The following CCDC141 variants were observed in gnomAD, a reference collection of about 807,000 sequenced individuals.
CCDC141 encodes coiled-coil domain-containing protein 141.
A neutral mutation model predicts 181.0 loss-of-function variants in CCDC141; 168 were observed. The ratio of observed to expected loss-of-function variants is 0.93; its 90% CI spans 0.82 to 1.05. The LOEUF (loss-of-function observed/expected upper bound fraction) is 1.05, where lower values mean the gene tolerates loss of function less well. Ranked by LOEUF, CCDC141 falls within the 50% of genes least tolerant of loss-of-function variation. CCDC141 has a pLI of 0.00. For missense variants in CCDC141, 1,902 were observed against 1,788.5 expected, an observed-to-expected ratio of 1.06 and a Z score of -1.14; for synonymous variants, 666 against 642.3, an observed-to-expected ratio of 1.04 and a Z score of -0.56.
chr2:178,832,301 T>C lies in CCDC141; in HGVS notation c.*1872A>G, dbSNP rs1300228877. The C allele has an allele frequency of 6.6e-6, 1 of 151,848 alleles. No individual in the cohort carries two copies. The highest frequency in any genetic ancestry group is 1.5e-5 in the Non-Finnish European group (1 of 67,964). The allele number at this position is 151,848 out of a possible 1,614,324, so 9.4% of individuals were successfully genotyped here. On this transcript the variant is annotated 3_prime_UTR_variant, in exon 24 of 24. Coordinates refer to ENST00000443758, the MANE Select transcript of CCDC141 (RefSeq NM_173648.4). ...AGGCTGAGGCCCAGCCTGGCCAACA[T>C]GGTGAAACCTGGTTTCTACTAAAAA... is the stretch of plus-strand genomic sequence containing the variant.
chr2:178,951,151 G>A (rs1689936483), intron 5 of CCDC141, among the ~76,000 whole-genome samples: 1 of 152,208 alleles, frequency 6.6e-6, no homozygotes, highest in African/African-American at 2.4e-5. Context: ...TTTTTCAGGA[G>A]AGGAAACAGA....
chr2:178,851,266 G>T (rs1685155627), intron 20 of CCDC141, among the ~76,000 whole-genome samples: 1 of 151,306 alleles, frequency 6.6e-6, no homozygotes, highest in Non-Finnish European at 1.5e-5. Flanking sequence ...GGGGAACAAG[G>T]ATTTGAACCC....
At chr2:178,896,731 T>C (rs1172492230) in intron 8 of CCDC141, among the ~76,000 whole-genome samples, 1 of 152,172 alleles carries the variant, frequency 6.6e-6, no homozygotes, top group Non-Finnish European at 1.5e-5. Context: ...ACACCAACCC[T>C]TACTGCAGTG....
In CCDC141 at chr2:179,027,777, A is replaced by G. The variant is rs796904070; in HGVS notation, c.225+19507T>C. Among the ~76,000 whole-genome samples the G allele has an allele frequency of 1.5e-4, 22 of 151,358 alleles. 1 individual carries two copies. Among genetic ancestry groups the G allele is most frequent in the African/African-American group, 4.1e-4 (17 of 41,220 alleles). ...CCACCATGATTGTGAGGCCTCCCCA[A>G]CCATGTGGAACAGTAAGTCCATTAA... On this transcript the variant is annotated intron_variant, in intron 2 of 23. Transcript: ENST00000443758.
intron 21 of CCDC141, among the ~76,000 whole-genome samples, chr2:178,847,257 C>T (rs576497129): frequency 1.3e-5 from 2 of 152,232 alleles, no homozygotes; most frequent in African/African-American, 4.8e-5. Flanking sequence ...AGGCCAGGTG[C>T]GGTGGCTCAC....
rs867884751 is a variant in CCDC141 at position 178,949,025 on chromosome 2, C to A, written c.781-4374G>T. ...CGGGAAAGCAGAAGTAACAAAGGGGCTCCTTCCCACATTTTTTTTATTTGA... is the reference window on the plus strand; with the variant it reads ...CGGGAAAGCAGAAGTAACAAAGGGGATCCTTCCCACATTTTTTTTATTTGA... On this transcript the variant is annotated intron_variant, in intron 5 of 23. Transcript: ENST00000443758. Among the ~76,000 whole-genome samples, 4 of 152,278 alleles carry A rather than the reference C, an allele frequency of 2.6e-5. 1 individual carries two copies. In the South Asian group the frequency reaches 6.2e-4, roughly 24 times the overall value.
chr2:179,019,666 G>A (rs1360313293), intron 2 of CCDC141, among the ~76,000 whole-genome samples: 1 of 151,998 alleles, frequency 6.6e-6, no homozygotes, highest in Non-Finnish European at 1.5e-5. Context: ...AATTAATATT[G>A]ACTTTAAAGT....
At chr2:178,817,777 CCCTTCCTT>C in the CCDC141 span, 11 of 267,038 alleles carry the variant, frequency 4.1e-5, no homozygotes, top group Admixed American at 4.3e-4. Flanking sequence ...TCTCCCTCCT[CCCTTCCTT>C]CCTTCCTTCC....
At chr2:178,887,005 A>G in intron 9 of CCDC141, 134 bp from the exon 10 acceptor site, 1 of 523,376 alleles carries the variant, frequency 1.9e-6, no homozygotes, top group Non-Finnish European at 3.0e-6. Flanking sequence ...TATTAATCTA[A>G]TATAGTTTTA....
intron 11 of CCDC141, among the ~76,000 whole-genome samples, chr2:178,883,548 G>C (rs887513800): frequency 3.9e-5 from 6 of 152,172 alleles, no homozygotes; most frequent in Non-Finnish European, 8.8e-5. Flanking sequence ...ATAGAGGAGA[G>C]ATGTGCCTGC....
At chr2:178,970,849 A>C (rs1690853372) in intron 4 of CCDC141, among the ~76,000 whole-genome samples, 1 of 152,246 alleles carries the variant, frequency 6.6e-6, no homozygotes, top group Non-Finnish European at 1.5e-5. Context: ...GAATGGGAGA[A>C]AATGTTTGCA....
intron 16 of CCDC141, 25 bp from the exon 17 acceptor site, chr2:178,865,941 A>G: frequency 6.9e-7 from 1 of 1,450,692 alleles, no homozygotes; most frequent in Admixed American, 2.5e-5. Context: ...TGGTGGTAAC[A>G]GAGAGAAAGG....
intron 2 of CCDC141, among the ~76,000 whole-genome samples, chr2:179,005,028 G>A (rs561579438): frequency 2.2e-4 from 34 of 152,192 alleles, no homozygotes; most frequent in East Asian, 9.6e-4. Context: ...CACCGCCCCC[G>A]GCCTAAAGAC....
At chr2:179,042,074 G>A (rs2043324333) in intron 2 of CCDC141, among the ~76,000 whole-genome samples, 2 of 152,156 alleles carry the variant, frequency 1.3e-5, no homozygotes, top group African/African-American at 4.8e-5. Flanking sequence ...GGATCTGATA[G>A]TCATATACAG....
intron 7 of CCDC141, among the ~76,000 whole-genome samples, chr2:178,917,950 T>C (rs1688523996): frequency 6.6e-6 from 1 of 152,234 alleles, no homozygotes; most frequent in African/African-American, 2.4e-5. Flanking sequence ...TTCATATGTA[T>C]TTTACCTGGT....
chr2:178,888,785 T>A (rs1165753928), intron 8 of CCDC141, 117 bp from the exon 9 acceptor site: 1 of 1,069,446 alleles, frequency 9.4e-7, no homozygotes, highest in Non-Finnish European at 1.3e-6. Context: ...AGCTTTAGGA[T>A]AACAGAAGTT....
chr2:178,977,391 G>C (rs906044290), intron 3 of CCDC141, among the ~76,000 whole-genome samples: 1 of 152,138 alleles, frequency 6.6e-6, no homozygotes, highest in Admixed American at 6.6e-5. Flanking sequence ...TACTTACTAA[G>C]ATAGAGTGAA....
chr2:178,900,668 T>C (rs376040748), intron 8 of CCDC141, among the ~76,000 whole-genome samples: 51 of 152,264 alleles, frequency 3.3e-4, no homozygotes, highest in African/African-American at 1.2e-3. Flanking sequence ...TCCTCTTATA[T>C]TTAAGTTTTG....
In CCDC141 at chr2:178,834,147, G is replaced by C. The variant is rs1457415260; in HGVS notation, c.*26C>G. On this transcript the variant is annotated 3_prime_UTR_variant, in exon 24 of 24. Transcript: ENST00000443758. ...CACTTTTCTTTAGGCACATGAGAAT[G>C]ATGTCCATTGGTGCCAACACCACAG... The C allele has an allele frequency of 6.5e-7, 1 of 1,528,018 alleles. No homozygotes were observed. Among genetic ancestry groups the C allele is most frequent in the African/African-American group, 1.4e-5 (1 of 73,002 alleles). The allele number at this position is 1,528,018 out of a possible 1,614,324, so 94.7% of individuals were successfully genotyped here.
Sources: gnomAD v4.1 joint callset for allele counts (sites outside exome capture counted in the v4.1 genomes callset) on GRCh38, gnomAD v4.1.1 for gene constraint, MANE v1.5 for transcripts, NCBI Gene and HGNC (gene_info 2026-07-23, HGNC 2026-07-21) for gene names.